DPYD: variants seen among roughly 807,000 people sequenced by gnomAD.
The protein encoded by DPYD is dihydropyrimidine dehydrogenase.
Under a neutral mutation model 116.2 loss-of-function variants are expected in DPYD, and 109 were observed. That is an observed-to-expected ratio of 0.94 (90% confidence interval 0.80 to 1.10). DPYD has a LOEUF of 1.10. Among genes scored for constraint, DPYD ranks in the 50% least tolerant of loss-of-function variants. The pLI, the probability that DPYD is intolerant of heterozygous loss-of-function variation, is 0.00. For missense variants in DPYD, 1,302 were observed against 1,254.5 expected, an observed-to-expected ratio of 1.04 and a Z score of -0.57; for synonymous variants, 440 against 432.0, an observed-to-expected ratio of 1.02 and a Z score of -0.23.
intron 8 of DPYD, among the ~76,000 whole-genome samples, chr1:97,628,282 T>A (rs1657052420): frequency 6.6e-6 from 1 of 151,958 alleles, no homozygotes; most frequent in Admixed American, 6.6e-5. Context: ...TTCCCATGTG[T>A]CCTCATCATT....
At chr1:97,317,307 T>A (rs1489021552) in intron 16 of DPYD, among the ~76,000 whole-genome samples, 1 of 151,974 alleles carries the variant, frequency 6.6e-6, no homozygotes, top group East Asian at 1.9e-4. Context: ...ATACCACCAG[T>A]AGGTGTTCAA....
In DPYD at chr1:97,771,010, A is replaced by C. The variant is rs564451839; in HGVS notation, c.234-30531T>G. Among the ~76,000 whole-genome samples, 6 of 152,300 alleles carry C rather than the reference A, an allele frequency of 3.9e-5. No homozygotes were observed. The South Asian group carries it at 1.0e-3, about 26-fold the overall frequency. On this transcript the variant is annotated intron_variant, in intron 3 of 22. Coordinates refer to ENST00000370192, the MANE Select transcript of DPYD (RefSeq NM_000110.4). ...CAAAATGTACGTTTTCTAGCATGAA[A>C]TTTGCTAACATTAAAAAGAAAAATA...
chr1:97,811,029 C>T (rs1276600594), intron 3 of DPYD, among the ~76,000 whole-genome samples: 3 of 151,946 alleles, frequency 2.0e-5, no homozygotes, highest in Non-Finnish European at 4.4e-5. Context: ...CATCAGAAAA[C>T]TCTCATTTAT....
At chr1:97,693,453 C>A (rs1223422109) in intron 6 of DPYD, among the ~76,000 whole-genome samples, 1 of 151,938 alleles carries the variant, frequency 6.6e-6, no homozygotes, top group East Asian at 1.9e-4. Context: ...ATCTCTTAAG[C>A]CAACTTGTGA....
At chr1:97,547,269 A>G (rs1167307387) in intron 12 of DPYD, among the ~76,000 whole-genome samples, 1 of 152,208 alleles carries the variant, frequency 6.6e-6, no homozygotes, top group Non-Finnish European at 1.5e-5. Context: ...GTAGAATGAG[A>G]AAATAAAAAC....
chr1:97,665,374 T>C (rs907862015), intron 8 of DPYD, among the ~76,000 whole-genome samples: 3 of 152,122 alleles, frequency 2.0e-5, no homozygotes, highest in Admixed American at 1.3e-4. Flanking sequence ...AAAATAACAA[T>C]AGTATTTTTC....
intron 14 of DPYD, among the ~76,000 whole-genome samples, chr1:97,441,760 A>T (rs1317629589): frequency 6.6e-6 from 1 of 152,016 alleles, no homozygotes. Context: ...TGTGAATCCT[A>T]CCTTTTTTGG....
chr1:97,539,047 G>A (rs1335094047), intron 12 of DPYD, among the ~76,000 whole-genome samples: 2 of 152,066 alleles, frequency 1.3e-5, no homozygotes, highest in Non-Finnish European at 2.9e-5. Context: ...CATATATTTA[G>A]GCAAACATAT....
At chr1:97,783,208 C>G (rs1666851531) in intron 3 of DPYD, among the ~76,000 whole-genome samples, 1 of 152,034 alleles carries the variant, frequency 6.6e-6, no homozygotes, top group African/African-American at 2.4e-5. Context: ...AACTCCATGC[C>G]CTAGTTGTAC....
chr1:97,880,201 G>A (rs1178114248), intron 2 of DPYD, among the ~76,000 whole-genome samples: 2 of 151,594 alleles, frequency 1.3e-5, no homozygotes, highest in African/African-American at 2.4e-5. Context: ...TTGAGCTCTG[G>A]GCACTGAAAT....
chr1:97,391,846 A>C (rs1481297110), intron 14 of DPYD, among the ~76,000 whole-genome samples: 5 of 152,048 alleles, frequency 3.3e-5, no homozygotes, highest in Non-Finnish European at 7.4e-5. Context: ...ACCACACTGA[A>C]TTGCTTTGCT....
rs1300026388 is a variant in DPYD at position 97,325,107 on chromosome 1, C to T, written c.2059-18810G>A. Among the ~76,000 whole-genome samples the T allele has an allele frequency of 3.3e-5, 5 of 152,126 alleles. No individual in the cohort carries two copies. In the East Asian group the frequency reaches 9.7e-4, roughly 30 times the overall value. On this transcript the variant is annotated intron_variant, in intron 16 of 22. Transcript: ENST00000370192. ...ATACAAAATCATATTAGTACTAAAA[C>T]AGATGGGTATTTACTTTTGCAATAT...
chr1:97,872,530 T>A (rs903959219), intron 2 of DPYD, among the ~76,000 whole-genome samples: 3 of 151,898 alleles, frequency 2.0e-5, no homozygotes, highest in African/African-American at 7.2e-5. Flanking sequence ...AGTTAACACT[T>A]TTCTTCTTTT....
intron 3 of DPYD, among the ~76,000 whole-genome samples, chr1:97,747,405 C>T (rs1319758058): frequency 1.3e-5 from 2 of 152,020 alleles, no homozygotes; most frequent in East Asian, 1.9e-4. Context: ...CCTGGAGGGA[C>T]GGGCTTGTTG....
At chr1:97,632,941 A>G (rs976326278) in intron 8 of DPYD, among the ~76,000 whole-genome samples, 6 of 152,096 alleles carry the variant, frequency 3.9e-5, no homozygotes, top group African/African-American at 1.2e-4. Context: ...CAACATTCAC[A>G]TTACTAAATA....
intron 2 of DPYD, among the ~76,000 whole-genome samples, chr1:97,830,620 G>C (rs1158782090): frequency 1.3e-5 from 2 of 151,760 alleles, no homozygotes; most frequent in African/African-American, 4.8e-5. Context: ...TGAGGCAGGA[G>C]AATTCCTTGA....
At chr1:97,671,781 G>C (rs1030831283) in intron 8 of DPYD, among the ~76,000 whole-genome samples, 3 of 151,860 alleles carry the variant, frequency 2.0e-5, no homozygotes, top group African/African-American at 7.3e-5. Flanking sequence ...TGGGTGACAG[G>C]GGAGGGATAT....
intron 2 of DPYD, among the ~76,000 whole-genome samples, chr1:97,882,762 G>A (rs1004850068): frequency 1.3e-5 from 2 of 151,842 alleles, no homozygotes; most frequent in Non-Finnish European, 2.9e-5. Context: ...GGAAATATTA[G>A]GTGTTCATAG....
intron 2 of DPYD, among the ~76,000 whole-genome samples, chr1:97,852,361 T>A (rs750872968): frequency 6.6e-6 from 1 of 152,106 alleles, no homozygotes; most frequent in Non-Finnish European, 1.5e-5. Context: ...TTAGTATATA[T>A]TACTTTCATC....
Sources: gnomAD v4.1 joint callset for allele counts (sites outside exome capture counted in the v4.1 genomes callset) on GRCh38, gnomAD v4.1.1 for gene constraint, MANE v1.5 for transcripts, NCBI Gene and HGNC (gene_info 2026-07-23, HGNC 2026-07-21) for gene names.